Variants in KLF7 observed in about 807,000 individuals in gnomAD.
KLF7 encodes KLF transcription factor 7.
A neutral mutation model predicts 27.3 loss-of-function variants in KLF7; 2 were observed. The observed-to-expected ratio is 0.07, with a 90% confidence interval of 0.03 to 0.23. The LOEUF is 0.23. Among genes scored for constraint, KLF7 ranks in the 10% least tolerant of loss-of-function variants. KLF7 has a pLI of 1.00. For missense variants in KLF7, 221 were observed against 394.1 expected (o/e 0.56, Z 3.72); for synonymous variants, 165 against 162.4 (o/e 1.02, Z -0.12).
intron 1 of KLF7, among the ~76,000 whole-genome samples, chr2:207,162,456 C>T (rs1021394121): frequency 1.3e-5 from 2 of 152,164 alleles, no homozygotes; most frequent in Non-Finnish European, 2.9e-5. Flanking sequence ...TTACTTGGGC[C>T]GAGTGCTTAA....
intron 2 of KLF7, among the ~76,000 whole-genome samples, chr2:207,108,314 T>C (rs144176163): frequency 2.0e-5 from 3 of 152,340 alleles, no homozygotes; most frequent in Admixed American, 1.3e-4. Context: ...AGGAAAAGGC[T>C]ATTATCAAAT....
intron 2 of KLF7, among the ~76,000 whole-genome samples, chr2:207,110,818 C>G (rs1177250297): frequency 6.6e-6 from 1 of 152,152 alleles, no homozygotes; most frequent in Non-Finnish European, 1.5e-5. Context: ...GAAGGCAAGA[C>G]CTGGTGGGTA....
intron 2 of KLF7, among the ~76,000 whole-genome samples, chr2:207,123,343 A>T (rs1455290079): frequency 6.6e-6 from 1 of 152,184 alleles, no homozygotes; most frequent in Non-Finnish European, 1.5e-5. Flanking sequence ...GGATGCTGGG[A>T]AAAGAGTGAA....
At chr2:207,133,848 C>T (rs1352428988) in intron 1 of KLF7, among the ~76,000 whole-genome samples, 1 of 152,190 alleles carries the variant, frequency 6.6e-6, no homozygotes, top group East Asian at 1.9e-4. Flanking sequence ...CATTCCTCCC[C>T]CCAGTGGATC....
chr2:207,170,267 C>G (rs1324455385), upstream of KLF7, among the ~76,000 whole-genome samples: 1 of 152,098 alleles, frequency 6.6e-6, no homozygotes, highest in Non-Finnish European at 1.5e-5. Context: ...AAACCTAATC[C>G]AGAGCAAAAC....
At chr2:207,085,611 G>A (rs1395122039) in intron 3 of KLF7, among the ~76,000 whole-genome samples, 4 of 152,216 alleles carry the variant, frequency 2.6e-5, no homozygotes, top group Non-Finnish European at 5.9e-5. Flanking sequence ...CCCAGTGTCT[G>A]CAAGGCCAGG....
In KLF7 at chr2:207,146,871, T is replaced by C. The variant is rs114128933; in HGVS notation, c.102+18596A>G. On this transcript the variant is annotated intron_variant, in intron 1 of 3. Coordinates refer to ENST00000309446, the MANE Select transcript of KLF7 (RefSeq NM_003709.4). ...GGCCAGAACATGAATGCCCCACTGATGCCCAGATAGGACAGGTAGGGCACG... is the reference window on the plus strand; with the variant it reads ...GGCCAGAACATGAATGCCCCACTGACGCCCAGATAGGACAGGTAGGGCACG... 4.3e-3 allele frequency among the ~76,000 whole-genome samples: 659 copies of C among 152,310 alleles called. 4 individuals are homozygous for C. The highest frequency in any genetic ancestry group is 8.1e-3 in the Non-Finnish European group (550 of 68,022).
intron 2 of KLF7, among the ~76,000 whole-genome samples, chr2:207,097,210 TTA>T (rs748617700): frequency 1.1e-4 from 16 of 152,188 alleles, no homozygotes; most frequent in Non-Finnish European, 2.1e-4. Flanking sequence ...GTAAAGGTAT[TTA>T]ATAACTTCTT....
In KLF7 at chr2:207,081,151, T is replaced by C; in HGVS notation, c.*62A>G. On this transcript the variant is annotated 3_prime_UTR_variant, in exon 4 of 4. Transcript: ENST00000309446. ...GGTCCCCGCCTGAAGTCCAGCCCCC[T>C]GCCTCATGGCGTTTCCTTTAGACAC... 1.3e-6 allele frequency: 2 copies of C among 1,495,976 alleles called. No homozygotes were observed. Among genetic ancestry groups the C allele is most frequent in the African/African-American group, 2.8e-5 (2 of 72,556 alleles). The allele number at this position is 1,495,976 out of a possible 1,614,324, so 92.7% of individuals were successfully genotyped here. A position where few individuals can be genotyped will look rare whatever the true frequency, so the allele number is the denominator to read the frequency against.
Position 207,150,839 on chromosome 2 carries a change from A to G in KLF7, c.102+14628T>C, listed in dbSNP as rs142133869. On this transcript the variant is annotated intron_variant, in intron 1 of 3. Transcript: ENST00000309446. ...TTTACTTGCCTCACTAAGGCATTAT[A>G]TATTAAGGCTGCATGTGTTTTAAAT... Among the ~76,000 whole-genome samples the G allele has an allele frequency of 3.4e-3, 518 of 152,226 alleles. 9 individuals carry two copies. Among genetic ancestry groups the G allele is most frequent in the Admixed American group, 0.028 (431 of 15,290 alleles).
In KLF7 at chr2:207,134,154, A is replaced by ATTTTTTTTT. The variant is rs35538720; in HGVS notation, c.103-9759_103-9751dup. ...GCACAGGCTGACTCGGGCTACTGGG[A>ATTTTTTTTT]TTTTTTTTTTTTTTTTTTTTTAAAG... is the stretch of plus-strand genomic sequence containing the variant. On this transcript the variant is annotated intron_variant, in intron 1 of 3. Transcript: ENST00000309446. The ATTTTTTTTT allele has an allele frequency of 5.0e-4, 571 of 1,142,108 alleles. 5 individuals are homozygous for ATTTTTTTTT. The highest frequency in any genetic ancestry group is 2.2e-3 in the South Asian group (116 of 52,110). 70.7% of individuals were successfully genotyped at this position (1,142,108 alleles called of 1,614,324 possible). A position where few individuals can be genotyped will look rare whatever the true frequency, so the allele number is the denominator to read the frequency against.
intron 3 of KLF7, among the ~76,000 whole-genome samples, chr2:207,087,593 T>C (rs1458731189): frequency 6.6e-6 from 1 of 152,198 alleles, no homozygotes; most frequent in Admixed American, 6.5e-5. Flanking sequence ...ATTTTTCTCA[T>C]CATAACCGAG....
intron 2 of KLF7, among the ~76,000 whole-genome samples, chr2:207,100,686 G>A (rs1247628970): frequency 1.3e-5 from 2 of 152,116 alleles, no homozygotes; most frequent in Admixed American, 1.3e-4. Flanking sequence ...CATCCGCAAG[G>A]ATTTCTCCTC....
In KLF7 at chr2:207,092,182, A is replaced by G. The variant is rs116620323; in HGVS notation, c.734-3601T>C. 4.1e-3 allele frequency among the ~76,000 whole-genome samples: 632 copies of G among 152,306 alleles called. 6 individuals are homozygous for G. Among genetic ancestry groups the G allele is most frequent in the Non-Finnish European group, 6.9e-3 (467 of 68,020 alleles). ...TGCTGTATCGCACTTGGAATGATGC[A>G]CACTGTTCAGCTCACTGCACCTCTA... On this transcript the variant is annotated intron_variant, in intron 2 of 3. Coordinates refer to ENST00000309446, the MANE Select transcript of KLF7 (RefSeq NM_003709.4).
chr2:207,168,732 AT>A (rs2078763587), upstream of KLF7, among the ~76,000 whole-genome samples: 1 of 152,192 alleles, frequency 6.6e-6, no homozygotes, highest in Non-Finnish European at 1.5e-5. Flanking sequence ...AATATTTTAG[AT>A]TCATTTTAAG....
At chr2:207,144,842 C>T (rs2078051745) in intron 1 of KLF7, among the ~76,000 whole-genome samples, 1 of 152,130 alleles carries the variant, frequency 6.6e-6, no homozygotes, top group Non-Finnish European at 1.5e-5. Context: ...CCAATTCTGG[C>T]GTTTGATTCT....
chr2:207,165,348 A>C, intron 1 of KLF7, 119 bp downstream of exon 1: 1 of 1,419,286 alleles, frequency 7.0e-7, no homozygotes, highest in Non-Finnish European at 9.6e-7. Flanking sequence ...AGACAGCCAA[A>C]AAGGAAGAAA....
intron 1 of KLF7, among the ~76,000 whole-genome samples, chr2:207,133,588 A>G (rs1258478979): frequency 6.6e-6 from 1 of 152,206 alleles, no homozygotes; most frequent in Non-Finnish European, 1.5e-5. Flanking sequence ...ATTTTCCATA[A>G]AGAGCAGTTT....
intron 1 of KLF7, among the ~76,000 whole-genome samples, chr2:207,134,855 T>C (rs1239469665): frequency 6.6e-6 from 1 of 152,136 alleles, no homozygotes; most frequent in African/African-American, 2.4e-5. Context: ...AATGGGGTAA[T>C]AGTAGTACCT....
Sources: gnomAD v4.1 joint callset for allele counts (sites outside exome capture counted in the v4.1 genomes callset) on GRCh38, gnomAD v4.1.1 for gene constraint, MANE v1.5 for transcripts, NCBI Gene and HGNC (gene_info 2026-07-23, HGNC 2026-07-21) for gene names.